The following CLEC12B variants were observed in gnomAD, a reference collection of about 807,000 sequenced individuals.
CLEC12B encodes the protein macrophage antigen h.
In CLEC12B, 25 loss-of-function variants were observed where a neutral mutation model predicts 36.1. The observed-to-expected ratio is 0.69, with a 90% CI of 0.50 to 0.97. The LOEUF (loss-of-function observed/expected upper bound fraction) is 0.97, where lower values mean the gene tolerates loss of function less well. Ranked by LOEUF, CLEC12B falls within the 50% of genes least tolerant of loss-of-function variation. The pLI, the probability that CLEC12B is intolerant of heterozygous loss-of-function variation, is 0.00. For synonymous variants in CLEC12B, 110 were observed against 108.5 expected, an observed-to-expected ratio of 1.01 and a Z score of -0.09; for missense variants, 325 against 318.4, an observed-to-expected ratio of 1.02 and a Z score of -0.16.
chr12:10,014,419 T>C (rs1188220045), intron 2 of CLEC12B, 104 bp from the exon 3 acceptor site: 3 of 757,496 alleles, frequency 4.0e-6, no homozygotes, highest in Non-Finnish European at 6.5e-6. Context: ...TACTAAGAGC[T>C]ACTAATAAAT....
chr12:10,017,454 T>C, intron 5 of CLEC12B: 1 of 985,418 alleles, frequency 1.0e-6, no homozygotes, highest in Non-Finnish European at 1.2e-6. Context: ...TAATCATTCT[T>C]GGCCTCTCTA....
intron 5 of CLEC12B, chr12:10,015,952 A>AAC (rs887588910): frequency 6.9e-5 from 92 of 1,342,584 alleles, no homozygotes; most frequent in South Asian, 4.8e-4. Context: ...GTGTTTATTT[A>AAC]ACACACACAC....
At chr12:10,016,073 C>T in intron 5 of CLEC12B, 1 of 777,026 alleles carries the variant, frequency 1.3e-6, no homozygotes, top group Non-Finnish European at 1.6e-6. Flanking sequence ...AGTAACTTGC[C>T]TGAGGTCACT....
chr12:10,017,815 T>C (rs1865524168), intron 5 of CLEC12B: 1 of 944,112 alleles, frequency 1.1e-6, no homozygotes, highest in South Asian at 4.9e-5. Flanking sequence ...TGAATACTAT[T>C]GTCAGAACCA....
intron 5 of CLEC12B, chr12:10,015,944 G>A: frequency 7.4e-7 from 1 of 1,355,376 alleles, no homozygotes; most frequent in Non-Finnish European, 9.5e-7. Flanking sequence ...GTAGAAATGT[G>A]TTTATTTAAC....
chr12:10,011,519 A>G (rs375332543), intron 1 of CLEC12B, among the ~76,000 whole-genome samples: 7 of 152,248 alleles, frequency 4.6e-5, no homozygotes, highest in Admixed American at 2.6e-4. Context: ...GAAATTAGAT[A>G]ATTTAAGCAA....
chr12:10,009,022 G>T (rs190430171), upstream of CLEC12B, among the ~76,000 whole-genome samples: 1 of 152,138 alleles, frequency 6.6e-6, no homozygotes, highest in East Asian at 1.9e-4. Context: ...TCTGTAAAAC[G>T]CACCAATCAG....
intron 1 of CLEC12B, among the ~76,000 whole-genome samples, chr12:10,011,221 A>G (rs551311883): frequency 6.6e-6 from 1 of 152,304 alleles, no homozygotes; most frequent in East Asian, 1.9e-4. Context: ...AAAATAGAGA[A>G]GGTAGAGGAC....
chr12:10,008,947 T>C (rs1368099280), upstream of CLEC12B, among the ~76,000 whole-genome samples: 3 of 152,192 alleles, frequency 2.0e-5, no homozygotes, highest in Non-Finnish European at 4.4e-5. Context: ...CAGGGAACTT[T>C]CCTGTCTTAC....
In CLEC12B at chr12:10,017,785, C is replaced by T. The variant is rs1044255309; in HGVS notation, c.681-546C>T. ...AAAGACATTATTTCAGGATTAACAT[C>T]AATTTCTTAGCAGAGGAAATGAATA... On this transcript the variant is annotated intron_variant, in intron 5 of 5. Coordinates refer to ENST00000338896, the MANE Select transcript of CLEC12B (RefSeq NM_001129998.3). 4 of 883,040 alleles carry T rather than the reference C, an allele frequency of 4.5e-6. No homozygotes were observed. The South Asian group carries it at 2.1e-4, about 46-fold the overall frequency. The allele number at this position is 883,040 out of a possible 1,614,324, so 54.7% of individuals were successfully genotyped here. A position where few individuals can be genotyped will look rare whatever the true frequency, so the allele number is the denominator to read the frequency against.
intron 2 of CLEC12B, chr12:10,013,140 A>C: frequency 2.2e-6 from 1 of 453,246 alleles, no homozygotes; most frequent in Non-Finnish European, 3.9e-6. Flanking sequence ...CCAGTTATTC[A>C]TTAGAATAAA....
rs779270813 is a variant in CLEC12B at position 10,012,795 on chromosome 12, T to A, written c.102T>A (p.Ala34=). Residue 34 remains alanine, a synonymous_variant, in exon 2 of 6, where the codon GCT becomes GCA. Coordinates refer to ENST00000338896, the MANE Select transcript of CLEC12B (RefSeq NM_001129998.3). ...GNNLRKRGHP[A]PSPIWRHAAL... ...TTTGGCTTTCTCCAGGGCATCCAGC[T>A]CCATCTCCCATTTGGCGTCATGCTG... 1.2e-6 allele frequency: 2 copies of A among 1,613,346 alleles called. No individual in the cohort carries two copies. Among genetic ancestry groups the A allele is most frequent in the Admixed American group, 1.7e-5 (1 of 60,014 alleles).
chr12:10,017,309 G>T (rs919455697), intron 5 of CLEC12B: 14 of 985,218 alleles, frequency 1.4e-5, no homozygotes, highest in Non-Finnish European at 1.7e-5. Flanking sequence ...GCAATATTGG[G>T]TATGAACTGA....
intron 2 of CLEC12B, 195 bp downstream of exon 2, chr12:10,013,078 C>A (rs1865374681): frequency 1.7e-6 from 1 of 588,292 alleles, no homozygotes; most frequent in South Asian, 2.0e-5. Context: ...GTTCTAAATT[C>A]ATTGTTTTAT....
upstream of CLEC12B, among the ~76,000 whole-genome samples, chr12:10,006,217 A>T (rs1166281253): frequency 6.6e-6 from 1 of 152,244 alleles, no homozygotes; most frequent in African/African-American, 2.4e-5. Flanking sequence ...GAAGAAACAC[A>T]TTGGGAAAAG....
chr12:10,016,097 G>T, intron 5 of CLEC12B: 1 of 533,048 alleles, frequency 1.9e-6, no homozygotes, highest in Non-Finnish European at 2.4e-6. Context: ...CTCATAAATT[G>T]CACTTTAGGG....
upstream of CLEC12B, among the ~76,000 whole-genome samples, chr12:10,008,306 C>T (rs1358396458): frequency 1.3e-5 from 2 of 152,008 alleles, no homozygotes; most frequent in African/African-American, 4.8e-5. Flanking sequence ...CGGTGAATAG[C>T]CTAGCTCTAA....
At chr12:10,018,072 T>A (rs10772226) in intron 5 of CLEC12B, 252,999 of 705,774 alleles carry the variant, frequency 0.36, 47,189 homozygotes, top group South Asian at 0.44. Context: ...GAAATACAAA[T>A]TCTCAGTCCA....
chr12:10,018,579 AATG>A lies in CLEC12B; in HGVS notation c.*100_*102del. 1.1e-6 allele frequency: 1 copy of A among 944,592 alleles called. No homozygotes were observed. Among genetic ancestry groups the A allele is most frequent in the Admixed American group, 2.8e-5 (1 of 35,574 alleles). 58.5% of individuals were successfully genotyped at this position (944,592 alleles called of 1,614,324 possible). A position where few individuals can be genotyped will look rare whatever the true frequency, so the allele number is the denominator to read the frequency against. On this transcript the variant is annotated 3_prime_UTR_variant, in exon 6 of 6. Coordinates refer to ENST00000338896, the MANE Select transcript of CLEC12B (RefSeq NM_001129998.3). ...GTACCAGAGCCAAACCAGCTTTTAA[AATG>A]ACTGTGTATTTACATTATCAGACAA...
Sources: allele counts gnomAD v4.1 joint callset (sites outside exome capture counted in the v4.1 genomes callset), GRCh38; gene constraint gnomAD v4.1.1; transcripts MANE v1.5; gene names NCBI Gene and HGNC (gene_info 2026-07-23, HGNC 2026-07-21).